SPANXN2: variants seen among roughly 807,000 people sequenced by gnomAD.
SPANXN2 encodes sperm protein associated with the nucleus on the X chromosome N2.
Under a neutral mutation model 2.0 loss-of-function variants are expected in SPANXN2, and 1 was observed. The ratio of observed to expected loss-of-function variants is 0.50; its 90% confidence interval spans 0.18 to 2.36. The LOEUF is 2.36. Among genes scored for constraint, SPANXN2 ranks in the 30% most tolerant of loss-of-function variants. The pLI, the probability that SPANXN2 is intolerant of heterozygous loss-of-function variation, is 0.26. For synonymous variants in SPANXN2, 43 were observed against 49.8 expected (o/e 0.86, Z 0.58); for missense variants, 88 against 116.7 (o/e 0.75, Z 1.13).
chrX:143,716,683 G>C (rs1239580270), intron 1 of SPANXN2, among the ~76,000 whole-genome samples: 1 of 111,747 alleles, frequency 8.9e-6, no homozygotes, highest in Non-Finnish European at 1.9e-5. Flanking sequence ...TCTGTCATCC[G>C]AGGCTGGTCA....
At chrX:143,714,786 G>A (rs1291517492) in intron 1 of SPANXN2, among the ~76,000 whole-genome samples, 6 of 111,809 alleles carry the variant, frequency 5.4e-5, no homozygotes, top group African/African-American at 2.0e-4. Flanking sequence ...ACCTTCCAAA[G>A]AGACTTAATC....
chrX:143,718,438 T>G (rs1556450248), intron 1 of SPANXN2, among the ~76,000 whole-genome samples: 1 of 111,154 alleles, frequency 9.0e-6, no homozygotes, highest in African/African-American at 3.3e-5. Context: ...AGACTCCTCC[T>G]CCCCCGCTCT....
chrX:143,715,834 GGTCCT>G (rs1194566153), intron 1 of SPANXN2, among the ~76,000 whole-genome samples: 1 of 110,879 alleles, frequency 9.0e-6, no homozygotes, highest in Non-Finnish European at 1.9e-5. Flanking sequence ...TCCATCTAGT[GGTCCT>G]CAACCAATAT....
chrX:143,714,621 C>A, intron 1 of SPANXN2, among the ~76,000 whole-genome samples: 1 of 111,980 alleles, frequency 8.9e-6, no homozygotes, highest in South Asian at 3.7e-4. Flanking sequence ...GCTGTCCCTG[C>A]TCGTTTCCTC....
intron 1 of SPANXN2, among the ~76,000 whole-genome samples, chrX:143,713,411 C>T (rs1279156629): frequency 1.8e-5 from 2 of 111,942 alleles, no homozygotes; most frequent in Admixed American, 1.9e-4. Flanking sequence ...ACATCCAACA[C>T]TGGGCTTCAA....
At chrX:143,718,183 C>T (rs1282009764) in intron 1 of SPANXN2, among the ~76,000 whole-genome samples, 3 of 111,675 alleles carry the variant, frequency 2.7e-5, no homozygotes, top group Admixed American at 9.5e-5. Context: ...GTTCCTCATG[C>T]GATTATGAGT....
intron 1 of SPANXN2, among the ~76,000 whole-genome samples, chrX:143,715,948 C>G (rs1481919780): frequency 9.0e-6 from 1 of 111,595 alleles, no homozygotes; most frequent in East Asian, 2.8e-4. Flanking sequence ...TTACCAAAGT[C>G]TTTTTGCTTT....
At chrX:143,719,219 T>A (rs1556450498) in intron 1 of SPANXN2, among the ~76,000 whole-genome samples, 2 of 110,880 alleles carry the variant, frequency 1.8e-5, no homozygotes, top group Admixed American at 1.9e-4. Context: ...CCAGTCGGAT[T>A]CCAGAAAATA....
chrX:143,714,704 C>G (rs1932228641), intron 1 of SPANXN2, among the ~76,000 whole-genome samples: 1 of 111,861 alleles, frequency 8.9e-6, no homozygotes, highest in Non-Finnish European at 1.9e-5. Context: ...AAACTACCTC[C>G]ATTTATACTT....
At chrX:143,718,048 T>C (rs1172886458) in intron 1 of SPANXN2, among the ~76,000 whole-genome samples, 1 of 111,541 alleles carries the variant, frequency 9.0e-6, no homozygotes, top group African/African-American at 3.3e-5. Flanking sequence ...GTAAAGGCTC[T>C]AAACATTAAA....
At chrX:143,720,276 G>T (rs1238038507) in intron 1 of SPANXN2, among the ~76,000 whole-genome samples, 1 of 110,180 alleles carries the variant, frequency 9.1e-6, no homozygotes, top group Non-Finnish European at 1.9e-5. Context: ...TCCAACTAAA[G>T]AAACTTTCCT....
chrX:143,718,382 A>T (rs1445854697), intron 1 of SPANXN2, among the ~76,000 whole-genome samples: 1 of 110,702 alleles, frequency 9.0e-6, no homozygotes, highest in African/African-American at 3.3e-5. Context: ...CCATCCTCAA[A>T]ACACTCCTCC....
At chrX:143,712,462 T>C (rs1485040791) in exon 2 of SPANXN2, 1 of 1,211,968 alleles carries the variant, frequency 8.3e-7, no homozygotes, top group East Asian at 3.0e-5. Flanking sequence ...TTGCAAGCTC[T>C]GTTTGGGGGC....
chrX:143,719,631 C>CT (rs1430465672), intron 1 of SPANXN2, among the ~76,000 whole-genome samples: 1 of 112,258 alleles, frequency 8.9e-6, no homozygotes, highest in Non-Finnish European at 1.9e-5. Flanking sequence ...TCTCTGCCTA[C>CT]TGGCCAATTG....
At chrX:143,716,682 C>T (rs139636988) in intron 1 of SPANXN2, among the ~76,000 whole-genome samples, 1 of 111,842 alleles carries the variant, frequency 8.9e-6, no homozygotes, top group East Asian at 2.8e-4. Context: ...CTCTGTCATC[C>T]GAGGCTGGTC....
intron 1 of SPANXN2, among the ~76,000 whole-genome samples, chrX:143,714,538 T>C (rs782693864): frequency 8.9e-6 from 1 of 111,798 alleles, no homozygotes; most frequent in Non-Finnish European, 1.9e-5. Context: ...CCAGTTGGAA[T>C]TATCAGGCAA....
chrX:143,714,630 T>C (rs1285406965), intron 1 of SPANXN2, among the ~76,000 whole-genome samples: 3 of 111,776 alleles, frequency 2.7e-5, no homozygotes, highest in African/African-American at 9.8e-5. Flanking sequence ...GCTCGTTTCC[T>C]CTCCTGCCTT....
chrX:143,717,143 C>T (rs781987748), intron 1 of SPANXN2, among the ~76,000 whole-genome samples: 2 of 112,317 alleles, frequency 1.8e-5, no homozygotes, highest in African/African-American at 6.5e-5. Context: ...CCCATGCTAC[C>T]TCTCAACAGG....
intron 1 of SPANXN2, among the ~76,000 whole-genome samples, chrX:143,713,986 C>G (rs1556449071): frequency 9.3e-6 from 1 of 107,595 alleles, no homozygotes; most frequent in African/African-American, 3.4e-5. Context: ...CCCAAAATGC[C>G]TCTTCCTCCG....
Sources: gnomAD v4.1 joint callset for allele counts (sites outside exome capture counted in the v4.1 genomes callset) on GRCh38, gnomAD v4.1.1 for gene constraint, MANE v1.5 for transcripts, NCBI Gene and HGNC (gene_info 2026-07-23, HGNC 2026-07-21) for gene names.